The following FGGY variants were observed in gnomAD, a reference collection of about 807,000 sequenced individuals.
The protein encoded by FGGY is FGGY carbohydrate kinase domain containing.
Under a neutral mutation model 71.3 loss-of-function variants are expected in FGGY, and 72 were observed. That is an observed-to-expected ratio of 1.01 (90% CI 0.84 to 1.23). The LOEUF is 1.23. Ranked by LOEUF, FGGY falls within the 50% of genes most tolerant of loss-of-function variation. The pLI, the probability that FGGY is intolerant of heterozygous loss-of-function variation, is 0.00. For synonymous variants in FGGY, 251 were observed against 250.3 expected (o/e 1.00, Z -0.02); for missense variants, 668 against 682.3 (o/e 0.98, Z 0.23).
At chr1:59,551,184 A>C in intron 7 of FGGY, among the ~76,000 whole-genome samples, 1 of 152,284 alleles carries the variant, frequency 6.6e-6, no homozygotes, top group Non-Finnish European at 1.5e-5. Context: ...CATTTCTGCA[A>C]TATCACAACA....
chr1:59,760,197 C>T (rs1041255389), intron 15 of FGGY, among the ~76,000 whole-genome samples: 6 of 152,158 alleles, frequency 3.9e-5, no homozygotes, highest in East Asian at 1.9e-4. Context: ...CCAGTAAGCA[C>T]GTGATAGGGT....
intron 5 of FGGY, among the ~76,000 whole-genome samples, chr1:59,406,200 A>AATTTTTTTTTTTTTTTTTTTTTT (rs2062713919): frequency 6.6e-6 from 1 of 151,574 alleles, no homozygotes; most frequent in Admixed American, 6.6e-5. Flanking sequence ...TACTTGTGGC[A>AATTTTTTTTTTTTTTTTTTTTTT]CTTTCACAGT....
intron 8 of FGGY, among the ~76,000 whole-genome samples, chr1:59,565,583 C>T (rs977031091): frequency 1.3e-5 from 2 of 152,134 alleles, no homozygotes; most frequent in Admixed American, 6.5e-5. Context: ...CGCGCCTGGC[C>T]GTAAGTCTTA....
intron 1 of FGGY, among the ~76,000 whole-genome samples, chr1:59,305,595 T>C (rs535615902): frequency 6.6e-6 from 1 of 152,220 alleles, no homozygotes; most frequent in Non-Finnish European, 1.5e-5. Context: ...GTGGAAGTAT[T>C]CCTTCCTCTT....
intron 5 of FGGY, among the ~76,000 whole-genome samples, chr1:59,440,180 A>G (rs541887680): frequency 9.2e-5 from 14 of 152,176 alleles, no homozygotes; most frequent in African/African-American, 3.1e-4. Context: ...CTGGTTTTTA[A>G]ATAAGCCCTA....
chr1:59,530,225 T>C (rs1327965366), intron 7 of FGGY, among the ~76,000 whole-genome samples: 2 of 152,268 alleles, frequency 1.3e-5, no homozygotes, highest in Admixed American at 6.5e-5. Context: ...GCACATACTG[T>C]AGGAAAGTAC....
At chr1:59,694,824 T>C (rs951716082) in intron 14 of FGGY, among the ~76,000 whole-genome samples, 5 of 152,122 alleles carry the variant, frequency 3.3e-5, no homozygotes, top group Non-Finnish European at 7.4e-5. Flanking sequence ...AGTACCCAGC[T>C]CTAACTAGGC....
chr1:59,664,722 T>G (rs532391369), intron 12 of FGGY, among the ~76,000 whole-genome samples: 1 of 152,322 alleles, frequency 6.6e-6, no homozygotes, highest in African/African-American at 2.4e-5. Context: ...GCCTAGCATA[T>G]AGTTGATAAC....
intron 6 of FGGY, among the ~76,000 whole-genome samples, chr1:59,482,391 A>C (rs142677084): frequency 6.6e-6 from 1 of 152,266 alleles, no homozygotes; most frequent in East Asian, 1.9e-4. Context: ...AAGCACAATT[A>C]TATGAATCAT....
At chr1:59,703,609 C>G (rs72919683) in intron 14 of FGGY, among the ~76,000 whole-genome samples, 2,397 of 152,286 alleles carry the variant, frequency 0.016, 65 homozygotes, top group African/African-American at 0.054. Context: ...GAAATAAGCT[C>G]TCCTTCCCTG....
intron 6 of FGGY, among the ~76,000 whole-genome samples, chr1:59,505,795 G>T (rs1485355528): frequency 6.6e-6 from 1 of 152,138 alleles, no homozygotes; most frequent in Non-Finnish European, 1.5e-5. Context: ...CTGACATCAG[G>T]AAAGAGGATT....
intron 8 of FGGY, among the ~76,000 whole-genome samples, chr1:59,558,823 T>TG (rs34569146): frequency 0.54 from 81,523 of 151,766 alleles, 22,956 homozygotes; most frequent in African/African-American, 0.7. Context: ...CCAGAGTGGC[T>TG]TTTATAGACC....
chr1:59,688,346 G>A (rs1241434901), intron 14 of FGGY, among the ~76,000 whole-genome samples: 3 of 152,208 alleles, frequency 2.0e-5, no homozygotes, highest in Non-Finnish European at 2.9e-5. Context: ...ATTAAGTAGT[G>A]GTCTTAGCAG....
At chr1:59,349,437 C>T (rs982084146) in intron 4 of FGGY, among the ~76,000 whole-genome samples, 1 of 152,146 alleles carries the variant, frequency 6.6e-6, no homozygotes, top group Admixed American at 6.5e-5. Flanking sequence ...GAGCACTTGC[C>T]ATGTGGCCAG....
At chr1:59,543,920 T>C (rs572536134) in intron 7 of FGGY, among the ~76,000 whole-genome samples, 9 of 152,354 alleles carry the variant, frequency 5.9e-5, no homozygotes, top group African/African-American at 2.2e-4. Flanking sequence ...GAAGGCAACC[T>C]AGTCCTGCTT....
intron 8 of FGGY, among the ~76,000 whole-genome samples, chr1:59,603,606 G>T (rs1026231175): frequency 6.6e-6 from 1 of 152,216 alleles, no homozygotes; most frequent in African/African-American, 2.4e-5. Flanking sequence ...GCTCAGAAAG[G>T]CTACCTTACG....
At chr1:59,592,465 G>T (rs2153793259) in intron 8 of FGGY, among the ~76,000 whole-genome samples, 1 of 152,146 alleles carries the variant, frequency 6.6e-6, no homozygotes, top group Admixed American at 6.5e-5. Flanking sequence ...AAATCATGCT[G>T]GTATAAAGAC....
chr1:59,739,095 A>G (rs1215247284), intron 14 of FGGY, among the ~76,000 whole-genome samples: 4 of 152,188 alleles, frequency 2.6e-5, no homozygotes, highest in Non-Finnish European at 5.9e-5. Context: ...TTATTTCACA[A>G]AAGACACCCT....
intron 6 of FGGY, among the ~76,000 whole-genome samples, chr1:59,485,023 TTAAAG>T (rs1230926256): frequency 7.2e-5 from 11 of 152,310 alleles, no homozygotes; most frequent in Non-Finnish European, 1.5e-4. Flanking sequence ...TTCAAAATAA[TTAAAG>T]TAGAGGAGGC....
Sources: gnomAD v4.1 joint callset for allele counts (sites outside exome capture counted in the v4.1 genomes callset) on GRCh38, gnomAD v4.1.1 for gene constraint, MANE v1.5 for transcripts, NCBI Gene and HGNC (gene_info 2026-07-23, HGNC 2026-07-21) for gene names.